Variants in HMGCLL1 observed in about 807,000 individuals in gnomAD.
The protein encoded by HMGCLL1 is 3-hydroxy-3-methylglutaryl-CoA lyase like 1.
HMGCLL1 carries 36 observed loss-of-function variants against 39.1 expected under a neutral mutation model. The ratio of observed to expected loss-of-function variants is 0.92; its 90% CI spans 0.71 to 1.22. HMGCLL1 has a LOEUF of 1.22. Among genes scored for constraint, HMGCLL1 ranks in the 50% most tolerant of loss-of-function variants. The pLI, the probability that HMGCLL1 is intolerant of heterozygous loss-of-function variation, is 0.00. For synonymous variants in HMGCLL1, 149 were observed against 144.0 expected, an observed-to-expected ratio of 1.03 and a Z score of -0.25; for missense variants, 451 against 416.5, an observed-to-expected ratio of 1.08 and a Z score of -0.72.
chr6:55,619,111 G>C, the HMGCLL1 span, among the ~76,000 whole-genome samples: 1 of 150,460 alleles, frequency 6.6e-6, no homozygotes, highest in Non-Finnish European at 1.5e-5. Context: ...AAACTGGGGT[G>C]GGAAGAGGGA....
the HMGCLL1 span, among the ~76,000 whole-genome samples, chr6:55,615,429 CT>C: frequency 6.6e-6 from 1 of 152,122 alleles, no homozygotes; most frequent in Admixed American, 6.6e-5. Flanking sequence ...TTGCAGGCAC[CT>C]TGTGCCTCTA....
chr6:55,497,871 G>A (rs982852812), intron 6 of HMGCLL1, among the ~76,000 whole-genome samples: 1 of 152,256 alleles, frequency 6.6e-6, no homozygotes, highest in East Asian at 1.9e-4. Flanking sequence ...AAAGCTAAAT[G>A]CAAAGGACAG....
chr6:55,591,636 T>G, the HMGCLL1 span, among the ~76,000 whole-genome samples: 4 of 152,022 alleles, frequency 2.6e-5, no homozygotes, highest in African/African-American at 7.2e-5. Context: ...CATGTGGTTT[T>G]GTTTTGTTTT....
chr6:55,477,187 A>AATATAATATATATTATATATC (rs1181420182), intron 7 of HMGCLL1, among the ~76,000 whole-genome samples: 1 of 31,938 alleles, frequency 3.1e-5, no homozygotes, highest in African/African-American at 1.9e-4. Context: ...TTATATTTAT[A>AATATAATATATATTATATATC]TATTATATAT....
the HMGCLL1 span, among the ~76,000 whole-genome samples, chr6:55,677,966 T>C: frequency 6.6e-6 from 1 of 152,212 alleles, no homozygotes; most frequent in East Asian, 1.9e-4. Context: ...TTGATGTTGA[T>C]TACCTAACCC....
intron 5 of HMGCLL1, among the ~76,000 whole-genome samples, chr6:55,500,805 A>G (rs1221930412): frequency 1.3e-5 from 2 of 152,008 alleles, no homozygotes; most frequent in Non-Finnish European, 2.9e-5. Flanking sequence ...GGAAAAGGAG[A>G]AAAAGTTTTA....
chr6:55,560,430 T>C (rs1770889258), intron 1 of HMGCLL1, among the ~76,000 whole-genome samples: 1 of 152,192 alleles, frequency 6.6e-6, no homozygotes, highest in African/African-American at 2.4e-5. Context: ...TTCTGTTTCA[T>C]GTGATACCTA....
At chr6:55,650,129 A>AT in the HMGCLL1 span, among the ~76,000 whole-genome samples, 984 of 74,716 alleles carry the variant, frequency 0.013, 36 homozygotes, top group East Asian at 0.047. Context: ...ATATATATAT[A>AT]TATATACACA....
At chr6:55,493,959 TCTC>T (rs1341292560) in intron 7 of HMGCLL1, among the ~76,000 whole-genome samples, 1 of 151,870 alleles carries the variant, frequency 6.6e-6, no homozygotes. Flanking sequence ...ATGGTCTTGA[TCTC>T]CTGACCTCGT....
chr6:55,560,323 T>C (rs573223055), intron 1 of HMGCLL1, among the ~76,000 whole-genome samples: 1 of 152,286 alleles, frequency 6.6e-6, no homozygotes, highest in East Asian at 1.9e-4. Flanking sequence ...CTCTAGGAAA[T>C]GACGCCTAGT....
At chr6:55,566,632 T>C (rs1488445846) in intron 1 of HMGCLL1, 2 of 456,068 alleles carry the variant, frequency 4.4e-6, no homozygotes, top group Middle Eastern at 3.3e-4. Flanking sequence ...CCTTCTCCTG[T>C]AAAATAGAGT....
chr6:55,462,604 G>A (rs1210615446), intron 7 of HMGCLL1, among the ~76,000 whole-genome samples: 11 of 151,994 alleles, frequency 7.2e-5, no homozygotes, highest in African/African-American at 1.7e-4. Flanking sequence ...TTATTTAAAC[G>A]TATCTAACCT....
At chr6:55,614,358 T>C in the HMGCLL1 span, among the ~76,000 whole-genome samples, 1 of 152,208 alleles carries the variant, frequency 6.6e-6, no homozygotes, top group African/African-American at 2.4e-5. Context: ...GTTAAGGATA[T>C]AATAAGAAGC....
chr6:55,533,124 T>C (rs994982325), intron 3 of HMGCLL1, among the ~76,000 whole-genome samples: 8 of 151,540 alleles, frequency 5.3e-5, no homozygotes, highest in African/African-American at 1.9e-4. Context: ...TGTAAAGATA[T>C]AGTAAATAAT....
At chr6:55,569,922 C>T (rs1314304683) in intron 1 of HMGCLL1, among the ~76,000 whole-genome samples, 1 of 152,094 alleles carries the variant, frequency 6.6e-6, no homozygotes, top group Non-Finnish European at 1.5e-5. Context: ...CTTAAGCTTT[C>T]CTTCAAAAGT....
At chr6:55,480,246 C>T (rs1234634309) in intron 7 of HMGCLL1, among the ~76,000 whole-genome samples, 1 of 151,286 alleles carries the variant, frequency 6.6e-6, no homozygotes, top group African/African-American at 2.4e-5. Flanking sequence ...ATTAATAACC[C>T]GAATATACAA....
intron 3 of HMGCLL1, among the ~76,000 whole-genome samples, chr6:55,538,684 A>C (rs1769166053): frequency 6.6e-6 from 1 of 152,112 alleles, no homozygotes; most frequent in Non-Finnish European, 1.5e-5. Context: ...AGACTGATTG[A>C]TTTATTTTTT....
intron 7 of HMGCLL1, among the ~76,000 whole-genome samples, chr6:55,451,651 C>T (rs926031294): frequency 6.6e-6 from 1 of 152,152 alleles, no homozygotes; most frequent in African/African-American, 2.4e-5. Context: ...GAACTTAGGC[C>T]TTTCTGTTCC....
intron 3 of HMGCLL1, among the ~76,000 whole-genome samples, chr6:55,520,914 G>A (rs1437853904): frequency 6.6e-6 from 1 of 151,590 alleles, no homozygotes; most frequent in Non-Finnish European, 1.5e-5. Flanking sequence ...GTTAAGAATT[G>A]TTTTAAGCAT....
Sources: allele counts gnomAD v4.1 joint callset (sites outside exome capture counted in the v4.1 genomes callset), GRCh38; gene constraint gnomAD v4.1.1; transcripts MANE v1.5; gene names NCBI Gene and HGNC (gene_info 2026-07-23, HGNC 2026-07-21).